The following GSK3B variants were observed in gnomAD, a reference collection of about 807,000 sequenced individuals.
GSK3B encodes the protein glycogen synthase kinase-3 beta.
Under a neutral mutation model 56.4 loss-of-function variants are expected in GSK3B, and 15 were observed. The ratio of observed to expected loss-of-function variants is 0.27; its 90% confidence interval spans 0.18 to 0.41. The LOEUF is 0.41. Ranked by LOEUF, GSK3B falls within the 10% of genes least tolerant of loss-of-function variation. The pLI is 1.00. For missense variants in GSK3B, 300 were observed against 513.4 expected (o/e 0.58, Z 4.02); for synonymous variants, 181 against 188.9 (o/e 0.96, Z 0.34).
rs1420507610 is a variant in GSK3B at position 119,823,349 on chromosome 3, A to C, written c.*3439T>G. The C allele has an allele frequency of 1.5e-5, 3 of 204,142 alleles. No homozygotes were observed. Among genetic ancestry groups the C allele is most frequent in the Non-Finnish European group, 3.0e-5 (3 of 99,702 alleles). The allele number at this position is 204,142 out of a possible 1,614,324, so 12.6% of individuals were successfully genotyped here. On this transcript the variant is annotated 3_prime_UTR_variant, in exon 11 of 11. Coordinates refer to ENST00000264235, the MANE Select transcript of GSK3B (RefSeq NM_001146156.2). Reference sequence around the variant, plus strand: ...ATGGGCTAAGAGTTCCCTTGTTAAAACAACAGTCCTCTATTGGCACGGTGG... The same window carrying C: ...ATGGGCTAAGAGTTCCCTTGTTAAACCAACAGTCCTCTATTGGCACGGTGG...
chr3:120,057,529 T>C (rs1417487347), intron 1 of GSK3B, among the ~76,000 whole-genome samples: 2 of 152,200 alleles, frequency 1.3e-5, no homozygotes, highest in African/African-American at 2.4e-5. Context: ...ACTGAATATA[T>C]TACAGCATTC....
At chr3:120,062,470 G>A (rs1417340757) in intron 1 of GSK3B, among the ~76,000 whole-genome samples, 2 of 152,140 alleles carry the variant, frequency 1.3e-5, no homozygotes, top group Admixed American at 1.3e-4. Flanking sequence ...TCTTAAAATT[G>A]CCTAATTATG....
intron 2 of GSK3B, among the ~76,000 whole-genome samples, chr3:119,950,568 T>G (rs947993228): frequency 2.0e-5 from 3 of 152,162 alleles, no homozygotes; most frequent in African/African-American, 4.8e-5. Context: ...TGAAAAAAAC[T>G]GACTAGATTG....
chr3:119,907,385 T>C (rs2056693293), intron 6 of GSK3B, among the ~76,000 whole-genome samples: 1 of 152,124 alleles, frequency 6.6e-6, no homozygotes. Context: ...TACTCTTGCC[T>C]AGAAGTTATC....
chr3:119,827,326 TTATTC>T (rs1362268796), intron 10 of GSK3B, among the ~76,000 whole-genome samples: 1 of 152,166 alleles, frequency 6.6e-6, no homozygotes, highest in African/African-American at 2.4e-5. Flanking sequence ...ACCCTCTTCA[TTATTC>T]ATAGAGATGG....
intron 1 of GSK3B, among the ~76,000 whole-genome samples, chr3:120,046,060 T>C (rs574453624): frequency 7.0e-6 from 1 of 142,094 alleles, no homozygotes; most frequent in Admixed American, 7.0e-5. Flanking sequence ...AGTTCAGTGG[T>C]GGCCAGGGGA....
chr3:119,972,534 C>T (rs1476076379), intron 2 of GSK3B, among the ~76,000 whole-genome samples: 1 of 152,178 alleles, frequency 6.6e-6, no homozygotes, highest in African/African-American at 2.4e-5. Flanking sequence ...CTCCCAGGTT[C>T]ACGCCACCCT....
intron 9 of GSK3B, 140 bp downstream of exon 9, chr3:119,863,278 AG>A: frequency 1.5e-6 from 1 of 683,956 alleles, no homozygotes; most frequent in Non-Finnish European, 2.6e-6. Context: ...CCAGTAAGTT[AG>A]AAAGGATGCT....
intron 3 of GSK3B, among the ~76,000 whole-genome samples, chr3:119,945,338 G>A (rs978620302): frequency 6.6e-6 from 1 of 152,104 alleles, no homozygotes; most frequent in Non-Finnish European, 1.5e-5. Context: ...AAGCTCAAGA[G>A]AAAGTTCTGA....
intron 1 of GSK3B, among the ~76,000 whole-genome samples, chr3:120,060,555 C>T (rs892873371): frequency 1.3e-5 from 2 of 151,950 alleles, no homozygotes; most frequent in Middle Eastern, 6.8e-3. Context: ...AGGGAGACCC[C>T]GTCTCTACAA....
At chr3:119,911,963 T>C (rs2056738916) in intron 6 of GSK3B, among the ~76,000 whole-genome samples, 1 of 152,198 alleles carries the variant, frequency 6.6e-6, no homozygotes, top group South Asian at 2.1e-4. Flanking sequence ...CATTCATCTG[T>C]TCATTGGAGT....
intron 5 of GSK3B, among the ~76,000 whole-genome samples, chr3:119,913,819 T>C (rs901813756): frequency 6.6e-6 from 1 of 152,062 alleles, no homozygotes. Context: ...TTGAAGTTTG[T>C]TTTTTAACCC....
At chr3:119,879,559 G>A (rs1196089963) in intron 7 of GSK3B, among the ~76,000 whole-genome samples, 1 of 151,778 alleles carries the variant, frequency 6.6e-6, no homozygotes, top group African/African-American at 2.4e-5. Flanking sequence ...ATTGAGTATA[G>A]TCACCCTGTT....
chr3:119,996,237 GT>G (rs1209962646), intron 2 of GSK3B, among the ~76,000 whole-genome samples: 1 of 152,188 alleles, frequency 6.6e-6, no homozygotes, highest in Non-Finnish European at 1.5e-5. Flanking sequence ...AGTTTCAAGT[GT>G]TTGTTATTCT....
intron 1 of GSK3B, among the ~76,000 whole-genome samples, chr3:120,004,315 T>C (rs1004264213): frequency 3.3e-5 from 5 of 152,210 alleles, no homozygotes; most frequent in Non-Finnish European, 5.9e-5. Flanking sequence ...ACTGCCTCTC[T>C]AGATTCCACC....
chr3:119,842,535 A>ATATATTTATTTT (rs2055788315), intron 10 of GSK3B, among the ~76,000 whole-genome samples: 1 of 152,164 alleles, frequency 6.6e-6, no homozygotes, highest in Admixed American at 6.5e-5. Context: ...TTCAGTAACA[A>ATATATTTATTTT]CATATTTATA....
Position 119,969,658 on chromosome 3 carries a change from A to G in GSK3B, c.283-22307T>C, listed in dbSNP as rs75469236. The stretch of plus-strand genomic sequence containing the variant: ...AAGAAGAGATTACTGGAACAGTAAC[A>G]GATGGCCCAGAACTAGCAAACAAAT... On this transcript the variant is annotated intron_variant, in intron 2 of 10. Transcript: ENST00000264235. Among the ~76,000 whole-genome samples, 6 of 152,348 alleles carry G rather than the reference A, an allele frequency of 3.9e-5. No individual in the cohort carries two copies. In the East Asian group the frequency reaches 1.2e-3, roughly 29 times the overall value.
chr3:119,832,563 C>T (rs550084056), intron 10 of GSK3B, among the ~76,000 whole-genome samples: 2 of 152,178 alleles, frequency 1.3e-5, no homozygotes, highest in East Asian at 1.9e-4. Context: ...ATGAGGGAAT[C>T]GCTGACAAAA....
At chr3:119,916,478 T>C (rs2056782522) in intron 4 of GSK3B, among the ~76,000 whole-genome samples, 1 of 152,216 alleles carries the variant, frequency 6.6e-6, no homozygotes, top group Admixed American at 6.5e-5. Context: ...ATTACAAGCC[T>C]GCTAAGATGG....
Sources: gnomAD v4.1 joint callset for allele counts (sites outside exome capture counted in the v4.1 genomes callset) on GRCh38, gnomAD v4.1.1 for gene constraint, MANE v1.5 for transcripts, NCBI Gene and HGNC (gene_info 2026-07-23, HGNC 2026-07-21) for gene names.